The following ZNF740 variants were observed in gnomAD, a reference collection of about 807,000 sequenced individuals.
The protein encoded by ZNF740 is zinc finger protein 740, also known as oriLyt TD-element-binding protein 7.
Under a neutral mutation model 24.8 loss-of-function variants are expected in ZNF740, and 14 were observed. The observed-to-expected ratio is 0.56, with a 90% CI of 0.37 to 0.88. ZNF740 has a LOEUF of 0.88. Ranked by LOEUF, ZNF740 falls within the 40% of genes least tolerant of loss-of-function variation. ZNF740 has a pLI of 0.00. For missense variants in ZNF740, 201 were observed against 247.9 expected, an observed-to-expected ratio of 0.81 and a Z score of 1.27; for synonymous variants, 69 against 84.0, an observed-to-expected ratio of 0.82 and a Z score of 0.98.
Position 53,193,674 on chromosome 12 carries a change from A to G in ZNF740, c.*6084A>G, listed in dbSNP as rs1287770247. The G allele has an allele frequency of 6.4e-7, 1 of 1,569,982 alleles. No homozygotes were observed. The highest frequency in any genetic ancestry group is 8.7e-7 in the Non-Finnish European group (1 of 1,153,912). ...GGGCCAGGGTTGGTTGGTTGTTGGG[A>G]GCCAGGTGGTTGAAGGGAAGAGGAG... On this transcript the variant is annotated 3_prime_UTR_variant, in exon 7 of 7. Coordinates refer to ENST00000416904, the MANE Select transcript of ZNF740 (RefSeq NM_001004304.4).
At chr12:53,180,906 G>C (rs1460605422) in intron 1 of ZNF740, 69 bp downstream of exon 1, 1 of 1,127,104 alleles carries the variant, frequency 8.9e-7, no homozygotes, top group Non-Finnish European at 1.1e-6. Context: ...CTCGCAAGCC[G>C]TGGGGTGCCG....
chr12:53,194,592 C>A lies in ZNF740; in HGVS notation c.*7002C>A. The stretch of plus-strand genomic sequence containing the variant: ...GCTGCCAGCAAGGGCCACTGAGGGT[C>A]ACAGGCTGGCCAGGTGCTGTAAATG... On this transcript the variant is annotated 3_prime_UTR_variant, in exon 7 of 7. Coordinates refer to ENST00000416904, the MANE Select transcript of ZNF740 (RefSeq NM_001004304.4). 1 of 441,652 alleles carries A rather than the reference C, an allele frequency of 2.3e-6. No homozygotes were observed. Among genetic ancestry groups the A allele is most frequent in the Non-Finnish European group, 4.2e-6 (1 of 238,948 alleles). The allele number at this position is 441,652 out of a possible 1,614,324, so 27.4% of individuals were successfully genotyped here. A position where few individuals can be genotyped will look rare whatever the true frequency, so the allele number is the denominator to read the frequency against.
In ZNF740 at chr12:53,185,142, G is replaced by A. The variant is rs1941798549; in HGVS notation, c.159+102G>A. 9.0e-6 allele frequency: 14 copies of A among 1,553,332 alleles called. No homozygotes were observed. In the Middle Eastern group the frequency reaches 6.7e-4, roughly 74 times the overall value. On this transcript the variant is annotated intron_variant, in intron 3 of 6. Coordinates refer to ENST00000416904, the MANE Select transcript of ZNF740 (RefSeq NM_001004304.4). ...TTCCTTGATGCTTCCTCATAGGGAA[G>A]TGGGGCAAGGGGATCCAACTGGGGA...
chr12:53,181,354 GCTTTT>G, intron 1 of ZNF740: 1 of 985,426 alleles, frequency 1.0e-6, no homozygotes, highest in Non-Finnish European at 1.2e-6. Flanking sequence ...TAAAGTGCGA[GCTTTT>G]CGGGCCGGCC....
chr12:53,194,030 G>T lies in ZNF740; in HGVS notation c.*6440G>T. ...GGGTCATGTTAACACCCAACTCCTA[G>T]AAACATGCCTGAGGAAGCCACTCAG... On this transcript the variant is annotated 3_prime_UTR_variant, in exon 7 of 7. Transcript: ENST00000416904. 7.6e-7 allele frequency: 1 copy of T among 1,308,576 alleles called. No individual in the cohort carries two copies. The highest frequency in any genetic ancestry group is 2.4e-5 in the East Asian group (1 of 42,260). The allele number at this position is 1,308,576 out of a possible 1,614,324, so 81.1% of individuals were successfully genotyped here. A position where few individuals can be genotyped will look rare whatever the true frequency, so the allele number is the denominator to read the frequency against.
chr12:53,184,148 TGTGCGCGCGC>T (rs1231050043), intron 2 of ZNF740, among the ~76,000 whole-genome samples: 1,701 of 100,348 alleles, frequency 0.017, 43 homozygotes, highest in African/African-American at 0.062. Context: ...TGTGTGTGTG[TGTGCGCGCGC>T]GCGCTCTGAA....
In ZNF740 at chr12:53,194,108, C is replaced by T; in HGVS notation, c.*6518C>T. 1.3e-6 allele frequency: 2 copies of T among 1,565,806 alleles called. No individual in the cohort carries two copies. The highest frequency in any genetic ancestry group is 8.7e-7 in the Non-Finnish European group (1 of 1,143,874). On this transcript the variant is annotated 3_prime_UTR_variant, in exon 7 of 7. Coordinates refer to ENST00000416904, the MANE Select transcript of ZNF740 (RefSeq NM_001004304.4). ...CTACCTCAGGCTCTCATGTCACTCC[C>T]TGTACCTGCCACCCATCTTTTCCTG... is the stretch of plus-strand genomic sequence containing the variant.
intron 2 of ZNF740, 53 bp from the exon 3 acceptor site, chr12:53,184,838 G>A: frequency 6.3e-7 from 1 of 1,575,734 alleles, no homozygotes; most frequent in Non-Finnish European, 8.6e-7. Context: ...ATGGCAGTCT[G>A]TTTTTGCCCT....
chr12:53,191,333 G>T lies in ZNF740; in HGVS notation c.*3743G>T. On this transcript the variant is annotated 3_prime_UTR_variant, in exon 7 of 7. Coordinates refer to ENST00000416904, the MANE Select transcript of ZNF740 (RefSeq NM_001004304.4). ...AAGTGACAGCTGTGGTCTGAGGTAA[G>T]ACTTTATTGTATACTTGGGTGGGGT... is the stretch of plus-strand genomic sequence containing the variant. The T allele has an allele frequency of 1.8e-6, 1 of 566,282 alleles. No individual in the cohort carries two copies. Among genetic ancestry groups the T allele is most frequent in the East Asian group, 3.0e-5 (1 of 32,790 alleles). 35.1% of individuals were successfully genotyped at this position (566,282 alleles called of 1,614,324 possible).
chr12:53,193,530 A>C lies in ZNF740; in HGVS notation c.*5940A>C, dbSNP rs893077811. ...CACTGAGGGGTGAGAGAGTGGAGGG[A>C]GCCCCAGTCAGGGGGAGGGCCTGGA... On this transcript the variant is annotated 3_prime_UTR_variant, in exon 7 of 7. Coordinates refer to ENST00000416904, the MANE Select transcript of ZNF740 (RefSeq NM_001004304.4). 3.3e-5 allele frequency: 24 copies of C among 732,256 alleles called. No individual in the cohort carries two copies. The highest frequency in any genetic ancestry group is 5.1e-5 in the Non-Finnish European group (23 of 449,190). 45.4% of individuals were successfully genotyped at this position (732,256 alleles called of 1,614,324 possible).
chr12:53,186,382 C>T lies in ZNF740; in HGVS notation c.374-9C>T, dbSNP rs1941821465. ...TCCCCACATTCACTTCTCTGTCCAC[C>T]TGGGCCAGGTGAGAAGCCATTTGAA... On this transcript the variant is annotated splice_polypyrimidine_tract_variant and intron_variant, in intron 5 of 6. Transcript: ENST00000416904. 2 of 1,564,134 alleles carry T rather than the reference C, an allele frequency of 1.3e-6. No individual in the cohort carries two copies. The highest frequency in any genetic ancestry group is 1.7e-6 in the Non-Finnish European group (2 of 1,153,108).
chr12:53,194,343 C>T lies in ZNF740; in HGVS notation c.*6753C>T. On this transcript the variant is annotated 3_prime_UTR_variant, in exon 7 of 7. Coordinates refer to ENST00000416904, the MANE Select transcript of ZNF740 (RefSeq NM_001004304.4). ...TTCAAGGGTCACGGTGGAAGACAGG[C>T]TCTATGGGAAGAGAGCGAGTGGATA... 1 of 1,613,916 alleles carries T rather than the reference C, an allele frequency of 6.2e-7. No homozygotes were observed. The highest frequency in any genetic ancestry group is 8.5e-7 in the Non-Finnish European group (1 of 1,179,928).
At chr12:53,184,293 A>G (rs538945982) in intron 2 of ZNF740, among the ~76,000 whole-genome samples, 5 of 151,994 alleles carry the variant, frequency 3.3e-5, no homozygotes, top group East Asian at 2.0e-4. Context: ...GGTTCAAGCA[A>G]TTCTTCTGCC....
rs11574545 is a variant in ZNF740 at position 53,191,377 on chromosome 12, G to A, written c.*3787G>A. 3.2e-6 allele frequency: 2 copies of A among 627,558 alleles called. No individual in the cohort carries two copies. The highest frequency in any genetic ancestry group is 2.9e-6 in the Non-Finnish European group (1 of 346,764). 38.9% of individuals were successfully genotyped at this position (627,558 alleles called of 1,614,324 possible). On this transcript the variant is annotated 3_prime_UTR_variant, in exon 7 of 7. Transcript: ENST00000416904. ...GTGGGGTAGCCCAGATGGATGCAAG[G>A]TTGCAGGCATGGGAAGCAGCCCTCT... is the stretch of plus-strand genomic sequence containing the variant.
In ZNF740 at chr12:53,194,864, G is replaced by A. The variant is rs1245718478; in HGVS notation, c.*7274G>A. 2.4e-5 allele frequency: 4 copies of A among 168,854 alleles called. No homozygotes were observed. Among genetic ancestry groups the A allele is most frequent in the African/African-American group, 7.2e-5 (3 of 41,854 alleles). The allele number at this position is 168,854 out of a possible 1,614,324, so 10.5% of individuals were successfully genotyped here. ...TGTAAAATTCTATGGTTCTTGTGAAGAATAGCTCTGAATTATTTATAAACT... is the reference window on the plus strand; with the variant it reads ...TGTAAAATTCTATGGTTCTTGTGAAAAATAGCTCTGAATTATTTATAAACT... On this transcript the variant is annotated 3_prime_UTR_variant, in exon 7 of 7. Transcript: ENST00000416904.
chr12:53,185,965 G>A lies in ZNF740; in HGVS notation c.261G>A (p.Val87=), dbSNP rs556267325. The A allele has an allele frequency of 1.7e-4, 268 of 1,613,668 alleles. 1 individual carries two copies. In the East Asian group the frequency reaches 5.4e-3, roughly 32 times the overall value. The change falls in exon 5 of 7, where the codon GTG becomes GTA. Residue 87 remains valine, a synonymous_variant. Transcript: ENST00000416904. ...ATTATTGCCCCCAGGTGGTGGTAGT[G>A]GAACAAAATGGTTCTTTTCAAGTAA... The part of the protein sequence containing the change: ...SKKTVKKVVV[V]EQNGSFQVKI...
rs1428866902 is a variant in ZNF740 at position 53,188,441 on chromosome 12, GC to G, written c.*852del. Reference sequence around the variant, plus strand: ...GAGTCGGTCTTGGAGATGGTATGTGGCTACCTCGCTGCCATTGACTCCTAAA... The same window carrying G: ...GAGTCGGTCTTGGAGATGGTATGTGGTACCTCGCTGCCATTGACTCCTAAA... On this transcript the variant is annotated 3_prime_UTR_variant, in exon 7 of 7. Transcript: ENST00000416904. The G allele has an allele frequency of 3.9e-5, 6 of 152,542 alleles. No individual in the cohort carries two copies. Among genetic ancestry groups the G allele is most frequent in the Non-Finnish European group, 5.9e-5 (4 of 68,028 alleles). 9.4% of individuals were successfully genotyped at this position (152,542 alleles called of 1,614,324 possible). A position where few individuals can be genotyped will look rare whatever the true frequency, so the allele number is the denominator to read the frequency against.
Position 53,186,258 on chromosome 12 carries a change from T to A in ZNF740, c.374-133T>A, listed in dbSNP as rs1941818496. On this transcript the variant is annotated intron_variant, in intron 5 of 6. Transcript: ENST00000416904. ...TCTGGTGTCACTGAGACCAGCACCT[T>A]TGGGGACCTCTCCCCATTTATGATC... The A allele has an allele frequency of 1.4e-5, 16 of 1,126,988 alleles. No homozygotes were observed. In the South Asian group the frequency reaches 2.5e-4, roughly 17 times the overall value. The allele number at this position is 1,126,988 out of a possible 1,614,324, so 69.8% of individuals were successfully genotyped here.
chr12:53,185,347 C>T (rs773123514), intron 3 of ZNF740, 40 bp from the exon 4 acceptor site: 12 of 1,596,334 alleles, frequency 7.5e-6, no homozygotes, highest in African/African-American at 6.7e-5. Flanking sequence ...TCTCATGTTC[C>T]GAGATGGGCT....
Sources: gnomAD v4.1 joint callset for allele counts (sites outside exome capture counted in the v4.1 genomes callset) on GRCh38, gnomAD v4.1.1 for gene constraint, MANE v1.5 for transcripts, NCBI Gene and HGNC (gene_info 2026-07-23, HGNC 2026-07-21) for gene names.